The following HTR2C variants were observed in gnomAD, a reference collection of about 807,000 sequenced individuals.
HTR2C encodes the protein 5-hydroxytryptamine (serotonin) receptor 2C, G protein-coupled.
In HTR2C, 5 loss-of-function variants were observed where a neutral mutation model predicts 21.0. That is an observed-to-expected ratio of 0.24 (90% CI 0.12 to 0.50). HTR2C has a LOEUF of 0.50. HTR2C is among the 20% of genes least tolerant of loss of function. The pLI, the probability that HTR2C is intolerant of heterozygous loss-of-function variation, is 0.98. For synonymous variants in HTR2C, 150 were observed against 145.3 expected, an observed-to-expected ratio of 1.03 and a Z score of -0.23; for missense variants, 271 against 371.2, an observed-to-expected ratio of 0.73 and a Z score of 2.22.
Position 114,633,810 on chromosome X carries a change from CAT to C in HTR2C, c.-80+19936_-80+19937del, listed in dbSNP as rs782652520. On this transcript the variant is annotated intron_variant, in intron 2 of 5. Transcript: ENST00000276198. ...ATACACATATATGTGTGAATGTACA[CAT>C]ATATATGTGTGTGTGTGTGCATGTA... is the stretch of plus-strand genomic sequence containing the variant. Among the ~76,000 whole-genome samples the C allele has an allele frequency of 1.4e-4, 15 of 108,738 alleles. No individual in the cohort carries two copies. In the East Asian group the frequency reaches 2.3e-3, roughly 17 times the overall value. 94.4% of individuals were successfully genotyped at this position (108,738 alleles called of 115,157 possible).
intron 2 of HTR2C, among the ~76,000 whole-genome samples, chrX:114,700,021 T>C (rs1556416431): frequency 8.9e-6 from 1 of 112,046 alleles, no homozygotes; most frequent in Admixed American, 9.5e-5. Context: ...ATGAGCGTAA[T>C]AAATAGATCT....
intron 1 of HTR2C, among the ~76,000 whole-genome samples, chrX:114,595,469 C>T (rs1313419697): frequency 9.1e-6 from 1 of 110,036 alleles, no homozygotes. Flanking sequence ...TCAATCATCC[C>T]GCCTCTGCCT....
intron 2 of HTR2C, among the ~76,000 whole-genome samples, chrX:114,659,666 G>A (rs928853381): frequency 8.2e-5 from 9 of 110,235 alleles, no homozygotes; most frequent in African/African-American, 3.0e-4. Flanking sequence ...TCAACATTCA[G>A]GAGAAACAAC....
intron 4 of HTR2C, among the ~76,000 whole-genome samples, chrX:114,744,548 G>A (rs1343512885): frequency 6.5e-5 from 7 of 108,177 alleles, no homozygotes; most frequent in African/African-American, 1.0e-4. Flanking sequence ...TGCCTCCCAG[G>A]TTCACGCCAT....
intron 4 of HTR2C, chrX:114,775,835 G>A: frequency 2.6e-6 from 1 of 387,410 alleles, no homozygotes. Context: ...TTTTTATACA[G>A]GGCCAAGGGT....
chrX:114,613,096 C>G (rs1556399064), intron 1 of HTR2C, among the ~76,000 whole-genome samples: 1 of 109,706 alleles, frequency 9.1e-6, no homozygotes, highest in Non-Finnish European at 1.9e-5. Flanking sequence ...CACCATCATG[C>G]CAGGCTAATT....
At chrX:114,629,172 C>A (rs2062614282) in intron 2 of HTR2C, among the ~76,000 whole-genome samples, 1 of 111,797 alleles carries the variant, frequency 8.9e-6, no homozygotes, top group African/African-American at 3.3e-5. Flanking sequence ...TAATTTGTAT[C>A]TTTCCCTTCA....
chrX:114,843,347 C>T (rs782197631), intron 4 of HTR2C, among the ~76,000 whole-genome samples: 6 of 111,563 alleles, frequency 5.4e-5, no homozygotes, highest in African/African-American at 1.9e-4. Flanking sequence ...GAAAAATTCA[C>T]ATGAGGGAAT....
At chrX:114,693,361 C>T (rs903492257) in intron 2 of HTR2C, among the ~76,000 whole-genome samples, 2 of 111,409 alleles carry the variant, frequency 1.8e-5, no homozygotes, top group African/African-American at 6.5e-5. Context: ...CTGTGTAGAA[C>T]ATCCCAGGAC....
intron 2 of HTR2C, among the ~76,000 whole-genome samples, chrX:114,673,893 C>G (rs1556412163): frequency 9.0e-6 from 1 of 111,349 alleles, no homozygotes; most frequent in African/African-American, 3.3e-5. Flanking sequence ...AATCTTCAGT[C>G]TGTAAATTTC....
intron 4 of HTR2C, among the ~76,000 whole-genome samples, chrX:114,772,228 TC>T (rs1176081777): frequency 8.9e-6 from 1 of 112,404 alleles, no homozygotes; most frequent in Non-Finnish European, 1.9e-5. Context: ...AGTTCTGTTC[TC>T]ATAAGTACTT....
At chrX:114,859,744 T>C (rs782694173) in intron 5 of HTR2C, among the ~76,000 whole-genome samples, 1 of 111,479 alleles carries the variant, frequency 9.0e-6, no homozygotes, top group South Asian at 3.7e-4. Context: ...CATTTTCTCT[T>C]TTTTAACTTC....
At chrX:114,780,932 T>C (rs1467569928) in intron 4 of HTR2C, among the ~76,000 whole-genome samples, 2 of 111,383 alleles carry the variant, frequency 1.8e-5, no homozygotes, top group Non-Finnish European at 3.8e-5. Flanking sequence ...TCAGACATTA[T>C]TGCTATCAAT....
chrX:114,871,930 A>G lies in HTR2C; in HGVS notation c.550+23727A>G, dbSNP rs188068996. On this transcript the variant is annotated intron_variant, in intron 5 of 5. Transcript: ENST00000276198. ...CTAGGAATTTTTCCATTTCATATAG[A>G]TTTCCAAATTATTTGGCATGCAATT... Among the ~76,000 whole-genome samples the G allele has an allele frequency of 4.9e-4, 53 of 108,695 alleles. 1 individual carries two copies. The highest frequency in any genetic ancestry group is 8.6e-4 in the Non-Finnish European group (45 of 52,134). The allele number at this position is 108,695 out of a possible 115,157, so 94.4% of individuals were successfully genotyped here.
chrX:114,736,334 G>A (rs1488104462), intron 4 of HTR2C, among the ~76,000 whole-genome samples: 4 of 61,245 alleles, frequency 6.5e-5, no homozygotes, highest in African/African-American at 1.4e-4. Context: ...ATTAGTAAGC[G>A]CTAAAAATAA....
intron 2 of HTR2C, among the ~76,000 whole-genome samples, chrX:114,706,463 A>T (rs1410299150): frequency 9.6e-6 from 1 of 104,651 alleles, no homozygotes; most frequent in Non-Finnish European, 2.0e-5. Flanking sequence ...CAAGGAAAAA[A>T]AACCAAACAC....
intron 4 of HTR2C, among the ~76,000 whole-genome samples, chrX:114,738,283 C>T (rs1403795061): frequency 9.0e-6 from 1 of 111,140 alleles, no homozygotes; most frequent in Non-Finnish European, 1.9e-5. Flanking sequence ...CTAAATGTTC[C>T]AGTCTCAAAA....
chrX:114,655,884 T>C (rs186645102), intron 2 of HTR2C, among the ~76,000 whole-genome samples: 34 of 111,715 alleles, frequency 3.0e-4, no homozygotes, highest in African/African-American at 1.1e-3. Context: ...CATCCTGGCT[T>C]TCTTCATATT....
At position 114,909,591 on chromosome X, in the gene HTR2C, A is replaced by G. The variant is rs1188313096; in HGVS notation, c.*2176A>G. On this transcript the variant is annotated 3_prime_UTR_variant, in exon 6 of 6. Transcript: ENST00000276198. ...ATATAAATCACAGATTTCCAAAAGT[A>G]CTAGCAATAAGTTGAATGATAATAG... 2 of 112,510 alleles carry G rather than the reference A, an allele frequency of 1.8e-5. No individual in the cohort carries two copies. The highest frequency in any genetic ancestry group is 6.5e-5 in the African/African-American group (2 of 30,894). 9.3% of individuals were successfully genotyped at this position (112,510 alleles called of 1,213,427 possible).
Sources: gnomAD v4.1 joint callset for allele counts (sites outside exome capture counted in the v4.1 genomes callset) on GRCh38, gnomAD v4.1.1 for gene constraint, MANE v1.5 for transcripts, NCBI Gene and HGNC (gene_info 2026-07-23, HGNC 2026-07-21) for gene names.